SUCLG2: variants seen among roughly 807,000 people sequenced by gnomAD.
SUCLG2 encodes succinate--CoA ligase [GDP-forming] subunit beta, mitochondrial.
SUCLG2 carries 42 observed loss-of-function variants against 47.9 expected under a neutral mutation model. The observed-to-expected ratio is 0.88, with a 90% CI of 0.69 to 1.14. The LOEUF is 1.14. Among genes scored for constraint, SUCLG2 ranks in the 50% most tolerant of loss-of-function variants. SUCLG2 has a pLI of 0.00. For missense variants in SUCLG2, 571 were observed against 525.9 expected (o/e 1.09, Z -0.84); for synonymous variants, 195 against 197.3 (o/e 0.99, Z 0.10).
chr3:67,451,099 A>G (rs1342803849), intron 9 of SUCLG2, among the ~76,000 whole-genome samples: 3 of 152,226 alleles, frequency 2.0e-5, no homozygotes, highest in Non-Finnish European at 2.9e-5. Flanking sequence ...GCAGTGTCTT[A>G]TAACTGAACA....
intron 6 of SUCLG2, among the ~76,000 whole-genome samples, chr3:67,512,111 C>T (rs1439304864): frequency 1.3e-5 from 2 of 151,090 alleles, no homozygotes; most frequent in African/African-American, 2.5e-5. Context: ...TTGTCTCAGC[C>T]CCTTTAACAT....
Position 67,580,186 on chromosome 3 carries a change from C to CT in SUCLG2, c.226+29268dup, listed in dbSNP as rs200640740. 9.4e-3 allele frequency among the ~76,000 whole-genome samples: 1,430 copies of CT among 151,410 alleles called. 21 individuals are homozygous for CT. Among genetic ancestry groups the CT allele is most frequent in the African/African-American group, 0.033 (1,382 of 41,458 alleles). ...AGAATACAACGTAAAAATCCCTCCT[C>CT]TTTTTTTTCTAGCATATTCAGATAA... On this transcript the variant is annotated intron_variant, in intron 2 of 10. Coordinates refer to ENST00000307227, the MANE Select transcript of SUCLG2 (RefSeq NM_003848.4).
intron 2 of SUCLG2, among the ~76,000 whole-genome samples, chr3:67,569,858 G>A (rs1237058814): frequency 6.6e-6 from 1 of 152,106 alleles, no homozygotes. Flanking sequence ...ACATGCAAGA[G>A]GAAACAAATC....
At chr3:67,383,482 C>T (rs1463666921) in intron 10 of SUCLG2, among the ~76,000 whole-genome samples, 1 of 152,142 alleles carries the variant, frequency 6.6e-6, no homozygotes, top group Non-Finnish European at 1.5e-5. Flanking sequence ...TTCTGTGTGG[C>T]TGTATTGTAT....
At chr3:67,596,215 A>G (rs1319999316) in intron 2 of SUCLG2, among the ~76,000 whole-genome samples, 1 of 152,196 alleles carries the variant, frequency 6.6e-6, no homozygotes, top group African/African-American at 2.4e-5. Flanking sequence ...AGCCTTCTAC[A>G]CTTCCATCGG....
chr3:67,583,889 C>T (rs951937052), intron 2 of SUCLG2, among the ~76,000 whole-genome samples: 1 of 152,202 alleles, frequency 6.6e-6, no homozygotes, highest in African/African-American at 2.4e-5. Context: ...CTTATGTGAT[C>T]ATACTGGGTC....
At position 67,545,932 on chromosome 3, in the gene SUCLG2, CCA is replaced by C. The variant is rs772296919; in HGVS notation, c.227-16748_227-16747del. ...GAACCACTCCCAAATAAGAATGTAT[CCA>C]CTTAAATCCCTGTGAATTGGAACAC... On this transcript the variant is annotated intron_variant, in intron 2 of 10. Coordinates refer to ENST00000307227, the MANE Select transcript of SUCLG2 (RefSeq NM_003848.4). 4.2e-3 allele frequency among the ~76,000 whole-genome samples: 638 copies of C among 152,318 alleles called. 5 individuals carry two copies. The highest frequency in any genetic ancestry group is 0.01 in the Middle Eastern group (3 of 294).
intron 10 of SUCLG2, among the ~76,000 whole-genome samples, chr3:67,366,079 C>A (rs1701871006): frequency 6.6e-6 from 1 of 152,050 alleles, no homozygotes; most frequent in Non-Finnish European, 1.5e-5. Flanking sequence ...ACATAAAATC[C>A]CTCACACTAA....
At chr3:67,500,381 G>A (rs1293149189) in intron 7 of SUCLG2, among the ~76,000 whole-genome samples, 6 of 152,092 alleles carry the variant, frequency 3.9e-5, no homozygotes, top group African/African-American at 7.2e-5. Flanking sequence ...TATATAGACC[G>A]CACATGACTT....
At chr3:67,361,167 GAA>G (rs112542838) in intron 10 of SUCLG2, among the ~76,000 whole-genome samples, 135 of 144,560 alleles carry the variant, frequency 9.3e-4, no homozygotes, top group Middle Eastern at 3.6e-3. Context: ...TGAGATGCCG[GAA>G]AAAAAAAAAA....
chr3:67,544,334 A>G (rs1233398145), intron 2 of SUCLG2, among the ~76,000 whole-genome samples: 1 of 152,118 alleles, frequency 6.6e-6, no homozygotes, highest in East Asian at 1.9e-4. Context: ...GGAGGGACCT[A>G]GTGGGAGGTG....
chr3:67,575,633 T>G (rs1267556466), intron 2 of SUCLG2, among the ~76,000 whole-genome samples: 1 of 152,144 alleles, frequency 6.6e-6, no homozygotes, highest in Non-Finnish European at 1.5e-5. Context: ...TTACTAAAAA[T>G]CACTGAATTA....
At chr3:67,449,900 A>G (rs1437704718) in intron 9 of SUCLG2, among the ~76,000 whole-genome samples, 1 of 152,224 alleles carries the variant, frequency 6.6e-6, no homozygotes, top group Non-Finnish European at 1.5e-5. Context: ...GGCATGAGAC[A>G]CTGCACTCGG....
Position 67,518,314 on chromosome 3 carries a change from C to G in SUCLG2, c.593G>C (p.Gly198Ala). Reference protein sequence around the residue: ...IFKEQIDIFEGIKDSQAQRMA... With the variant: ...IFKEQIDIFEAIKDSQAQRMA... ...CCGCTGAGCTTGGCTGTCCTTTATT[C>G]CTTCAAAAATGTCAATTTGCTCCTA... is the stretch of plus-strand genomic sequence containing the variant. Residue 198 changes from glycine to alanine, a missense_variant, in exon 6 of 11, where the codon GGA (glycine) becomes GCA (alanine). By Grantham distance (60) the Gly-to-Ala change is moderately conservative. Transcript: ENST00000307227. The G allele has an allele frequency of 6.2e-7, 1 of 1,611,140 alleles. No individual in the cohort carries two copies. Among genetic ancestry groups the G allele is most frequent in the South Asian group, 1.1e-5 (1 of 90,448 alleles).
chr3:67,579,137 G>A lies in SUCLG2; in HGVS notation c.226+30318C>T. ...CAGAATTTATAATTAAAATAAAGCT[G>A]AAAATAAAATTATTTCACCCTTAAA... On this transcript the variant is annotated intron_variant, in intron 2 of 10. Transcript: ENST00000307227. Among the ~76,000 whole-genome samples, 2 of 152,048 alleles carry A rather than the reference G, an allele frequency of 1.3e-5. 1 individual carries two copies. The highest frequency in any genetic ancestry group is 2.9e-5 in the Non-Finnish European group (2 of 68,004).
At chr3:67,480,693 G>A (rs558851460) in intron 9 of SUCLG2, among the ~76,000 whole-genome samples, 28 of 152,298 alleles carry the variant, frequency 1.8e-4, no homozygotes, top group African/African-American at 6.3e-4. Flanking sequence ...CCTGGGGAAG[G>A]TTCTAACTAG....
chr3:67,607,191 G>A (rs1377472268), intron 2 of SUCLG2, among the ~76,000 whole-genome samples: 1 of 152,134 alleles, frequency 6.6e-6, no homozygotes, highest in Non-Finnish European at 1.5e-5. Context: ...GTGTCCAAAT[G>A]TGCACTGTCC....
chr3:67,397,009 G>T (rs1333800954), intron 10 of SUCLG2, among the ~76,000 whole-genome samples: 1 of 151,668 alleles, frequency 6.6e-6, no homozygotes, highest in East Asian at 1.9e-4. Flanking sequence ...ATTAGGTATT[G>T]ATGGGACGTA....
intron 10 of SUCLG2, 149 bp downstream of exon 10, chr3:67,400,582 C>T: frequency 9.2e-7 from 1 of 1,090,904 alleles, no homozygotes; most frequent in African/African-American, 1.6e-5. Context: ...GCTAGAGGCC[C>T]AGGGAAGTCC....
Sources: allele counts gnomAD v4.1 joint callset (sites outside exome capture counted in the v4.1 genomes callset), GRCh38; gene constraint gnomAD v4.1.1; transcripts MANE v1.5; gene names NCBI Gene and HGNC (gene_info 2026-07-23, HGNC 2026-07-21).